The following DPP10 variants were observed in gnomAD, a reference collection of about 807,000 sequenced individuals.
DPP10 encodes the protein dipeptidyl peptidase like 10.
In DPP10, 33 loss-of-function variants were observed where a neutral mutation model predicts 120.9. That is an observed-to-expected ratio of 0.27 (90% CI 0.21 to 0.37). DPP10 has a LOEUF of 0.37. Ranked by LOEUF, DPP10 falls within the 10% of genes least tolerant of loss-of-function variation. DPP10 has a pLI of 1.00. For synonymous variants in DPP10, 337 were observed against 326.1 expected, an observed-to-expected ratio of 1.03 and a Z score of -0.36; for missense variants, 816 against 942.8, an observed-to-expected ratio of 0.87 and a Z score of 1.76.
intron 1 of DPP10, among the ~76,000 whole-genome samples, chr2:115,042,965 T>G (rs1456195827): frequency 6.6e-6 from 1 of 152,222 alleles, no homozygotes; most frequent in Non-Finnish European, 1.5e-5. Flanking sequence ...TTTTAATAGT[T>G]TATCTCAGCA....
rs537242137 is a variant in DPP10 at position 115,646,193 on chromosome 2, A to C, written c.442-43494A>C. Among the ~76,000 whole-genome samples, 20 of 152,196 alleles carry C rather than the reference A, an allele frequency of 1.3e-4. No homozygotes were observed. In the South Asian group the frequency reaches 4.1e-3, roughly 32 times the overall value. On this transcript the variant is annotated intron_variant, in intron 5 of 25. Coordinates refer to ENST00000410059, the MANE Select transcript of DPP10 (RefSeq NM_020868.6). ...ACAGAGAGTGACTAGTGCTTACTCT[A>C]TGTCACCATATTACTGCACTGGCCC... is the stretch of plus-strand genomic sequence containing the variant.
At position 115,528,324 on chromosome 2, in the gene DPP10, A is replaced by T. The variant is rs191225709; in HGVS notation, c.441+2352A>T. On this transcript the variant is annotated intron_variant, in intron 5 of 25. Coordinates refer to ENST00000410059, the MANE Select transcript of DPP10 (RefSeq NM_020868.6). ...ATATACATATGTAACAAACCTGCAC[A>T]TTGTGCACATGTACCCTAGAACTTA... Among the ~76,000 whole-genome samples the T allele has an allele frequency of 6.4e-3, 965 of 151,958 alleles. 6 individuals are homozygous for T. Among genetic ancestry groups the T allele is most frequent in the African/African-American group, 0.021 (879 of 41,444 alleles).
At chr2:115,059,733 C>T (rs1461793086) in intron 1 of DPP10, among the ~76,000 whole-genome samples, 1 of 143,508 alleles carries the variant, frequency 7.0e-6, no homozygotes, top group Non-Finnish European at 1.5e-5. Context: ...AAGCTGATGG[C>T]GGGGACGGGA....
chr2:115,267,238 G>A (rs1408116030), intron 1 of DPP10, among the ~76,000 whole-genome samples: 5 of 152,130 alleles, frequency 3.3e-5, no homozygotes, highest in African/African-American at 7.2e-5. Flanking sequence ...TATCAGAGAC[G>A]GATTATAATG....
intron 1 of DPP10, among the ~76,000 whole-genome samples, chr2:115,273,074 TGA>T (rs1360965335): frequency 6.6e-6 from 1 of 152,108 alleles, no homozygotes; most frequent in Admixed American, 6.6e-5. Flanking sequence ...AATAGATAGA[TGA>T]GAGAGAGACA....
At chr2:114,699,912 A>G (rs1008091047) in intron 1 of DPP10, among the ~76,000 whole-genome samples, 3 of 152,126 alleles carry the variant, frequency 2.0e-5, no homozygotes, top group Non-Finnish European at 4.4e-5. Flanking sequence ...ACTCTTAGAT[A>G]CAACAAGGAA....
rs141013288 is a variant in DPP10, at chr2:114,684,458, G to C, written c.60+241620G>C. On this transcript the variant is annotated intron_variant, in intron 1 of 25. Transcript: ENST00000410059. ...AAAAAACAGGATGAGGTTAGCATAT[G>C]AAAGTGTTTTCTTTCCCTCCCTTTG... Among the ~76,000 whole-genome samples, 115 of 152,140 alleles carry C rather than the reference G, an allele frequency of 7.6e-4. 2 individuals are homozygous for C. The East Asian group carries it at 0.019, about 26-fold the overall frequency.
chr2:114,752,176 T>C (rs925522492), intron 1 of DPP10, among the ~76,000 whole-genome samples: 8 of 152,146 alleles, frequency 5.3e-5, no homozygotes, highest in African/African-American at 1.9e-4. Context: ...CCCAACTGAT[T>C]TGAGCTGTCA....
intron 1 of DPP10, among the ~76,000 whole-genome samples, chr2:114,559,792 C>T (rs183129455): frequency 2.0e-5 from 3 of 150,576 alleles, no homozygotes; most frequent in East Asian, 4.0e-4. Context: ...CGTGATAGGG[C>T]CTTGAGGGTG....
At chr2:114,989,744 ACATTTCC>A (rs1419455225) in intron 1 of DPP10, among the ~76,000 whole-genome samples, 2 of 152,224 alleles carry the variant, frequency 1.3e-5, no homozygotes, top group Non-Finnish European at 2.9e-5. Flanking sequence ...ATTTAAGGTA[ACATTTCC>A]CATTGATACA....
At chr2:115,658,593 T>C (rs2088615256) in intron 5 of DPP10, among the ~76,000 whole-genome samples, 2 of 152,288 alleles carry the variant, frequency 1.3e-5, no homozygotes, top group South Asian at 2.1e-4. Flanking sequence ...CAAATAAATG[T>C]GGTGTTTGTG....
At chr2:115,324,962 G>C (rs1016758011) in intron 2 of DPP10, among the ~76,000 whole-genome samples, 1 of 152,046 alleles carries the variant, frequency 6.6e-6, no homozygotes, top group Non-Finnish European at 1.5e-5. Flanking sequence ...TTGATGTCAC[G>C]GTTAGAACAC....
intron 1 of DPP10, among the ~76,000 whole-genome samples, chr2:114,679,825 T>A (rs1045191458): frequency 6.6e-6 from 1 of 151,966 alleles, no homozygotes; most frequent in African/African-American, 2.4e-5. Flanking sequence ...TTTTAAGAAT[T>A]GAGATGGCAA....
chr2:114,847,882 C>A (rs113429864), intron 1 of DPP10, among the ~76,000 whole-genome samples: 1 of 152,074 alleles, frequency 6.6e-6, no homozygotes, highest in Non-Finnish European at 1.5e-5. Context: ...ACAGACCTTG[C>A]GTGTACCCAC....
intron 24 of DPP10, among the ~76,000 whole-genome samples, chr2:115,837,082 A>T (rs1018066524): frequency 3.3e-5 from 5 of 152,170 alleles, no homozygotes. Context: ...ATTTTAATTT[A>T]AAAAGGCACT....
intron 17 of DPP10, among the ~76,000 whole-genome samples, chr2:115,783,947 A>G (rs752581159): frequency 2.6e-5 from 4 of 152,208 alleles, no homozygotes; most frequent in Non-Finnish European, 4.4e-5. Context: ...ATCAATAACT[A>G]TTTGTGTTAC....
chr2:115,362,901 G>A (rs1010212171), intron 3 of DPP10, among the ~76,000 whole-genome samples: 1 of 152,174 alleles, frequency 6.6e-6, no homozygotes, highest in Admixed American at 6.6e-5. Context: ...GCCATATGGA[G>A]TTGTTAAAAC....
At chr2:115,221,656 T>A (rs2057166183) in intron 1 of DPP10, among the ~76,000 whole-genome samples, 1 of 152,072 alleles carries the variant, frequency 6.6e-6, no homozygotes, top group African/African-American at 2.4e-5. Context: ...GTAGCATTAT[T>A]CAATACAATC....
intron 7 of DPP10, among the ~76,000 whole-genome samples, chr2:115,719,870 A>G (rs75012710): frequency 0.085 from 12,897 of 152,224 alleles, 667 homozygotes; most frequent in Non-Finnish European, 0.11. Flanking sequence ...AACATCGTTC[A>G]CACTATTGAA....
Sources: allele counts gnomAD v4.1 joint callset (sites outside exome capture counted in the v4.1 genomes callset), GRCh38; gene constraint gnomAD v4.1.1; transcripts MANE v1.5; gene names NCBI Gene and HGNC (gene_info 2026-07-23, HGNC 2026-07-21).